WWTR1: variants seen among roughly 807,000 people sequenced by gnomAD.
WWTR1 encodes WW domain-containing transcription regulator protein 1.
Under a neutral mutation model 40.1 loss-of-function variants are expected in WWTR1, and 13 were observed. That is an observed-to-expected ratio of 0.32 (90% confidence interval 0.21 to 0.52). The LOEUF is 0.52. WWTR1 is among the 20% of genes least tolerant of loss of function. The probability of loss-of-function intolerance (pLI) is 0.97; values close to 1 mark genes in which losing one functional copy is unlikely to be tolerated. For synonymous variants in WWTR1, 230 were observed against 210.1 expected, an observed-to-expected ratio of 1.09 and a Z score of -0.82; for missense variants, 436 against 523.1, an observed-to-expected ratio of 0.83 and a Z score of 1.63.
At chr3:149,578,123 C>A (rs1258050444) in intron 2 of WWTR1, among the ~76,000 whole-genome samples, 1 of 151,732 alleles carries the variant, frequency 6.6e-6, no homozygotes, top group Non-Finnish European at 1.5e-5. Flanking sequence ...AATAACAGCA[C>A]AACTCACATA....
chr3:149,640,011 AAAGAAAGAAAG>A (rs1456296340), intron 2 of WWTR1, among the ~76,000 whole-genome samples: 12 of 132,110 alleles, frequency 9.1e-5, no homozygotes, highest in South Asian at 2.2e-4. Context: ...AAAAAAAAAA[AAAGAAAGAAAG>A]AAAGAAAGAA....
rs59916263 is a variant in WWTR1, at chr3:149,622,450, A to G, written c.431+34426T>C. Among the ~76,000 whole-genome samples the G allele has an allele frequency of 7.6e-3, 750 of 98,552 alleles. 14 individuals carry two copies. The highest frequency in any genetic ancestry group is 0.027 in the African/African-American group (702 of 26,126). The allele number at this position is 98,552 out of a possible 152,430, so 64.7% of individuals were successfully genotyped here. Reference sequence around the variant, plus strand: ...AAACCATATTTTCCCAGAAAGAAAGAAAGGAAGGAAGGAAGGAAGGAAGGA... The same window carrying G: ...AAACCATATTTTCCCAGAAAGAAAGGAAGGAAGGAAGGAAGGAAGGAAGGA... On this transcript the variant is annotated intron_variant, in intron 2 of 6. Transcript: ENST00000360632.
intron 2 of WWTR1, among the ~76,000 whole-genome samples, chr3:149,601,751 C>A (rs1739253054): frequency 6.6e-6 from 1 of 151,182 alleles, no homozygotes; most frequent in South Asian, 2.1e-4. Context: ...TAATTCTATT[C>A]TTTGGCTACC....
intron 1 of WWTR1, among the ~76,000 whole-genome samples, chr3:149,694,456 A>C (rs1435378263): frequency 6.6e-6 from 1 of 152,186 alleles, no homozygotes; most frequent in Admixed American, 6.5e-5. Flanking sequence ...TAATAAATAG[A>C]AGATACATAA....
chr3:149,566,752 C>T (rs1402857910), intron 3 of WWTR1, among the ~76,000 whole-genome samples: 1 of 150,646 alleles, frequency 6.6e-6, no homozygotes, highest in Non-Finnish European at 1.5e-5. Flanking sequence ...AGCAAGCCAA[C>T]TTAGCAAACT....
At chr3:149,650,518 T>C (rs1322182695) in intron 2 of WWTR1, among the ~76,000 whole-genome samples, 1 of 152,136 alleles carries the variant, frequency 6.6e-6, no homozygotes, top group Non-Finnish European at 1.5e-5. Context: ...TATGAAAAAG[T>C]TCCATATGCA....
intron 2 of WWTR1, among the ~76,000 whole-genome samples, chr3:149,634,936 T>C (rs567500136): frequency 2.6e-4 from 39 of 152,320 alleles, no homozygotes; most frequent in African/African-American, 8.9e-4. Flanking sequence ...AAACCTTGAA[T>C]TGACAATGCT....
At chr3:149,596,569 G>A (rs1739012348) in intron 2 of WWTR1, among the ~76,000 whole-genome samples, 1 of 152,126 alleles carries the variant, frequency 6.6e-6, no homozygotes, top group South Asian at 2.1e-4. Context: ...CCGTAGTGCA[G>A]TGGATCTTCT....
intron 4 of WWTR1, among the ~76,000 whole-genome samples, chr3:149,531,013 C>T (rs7642197): frequency 0.79 from 119,214 of 151,820 alleles, 46,963 homozygotes; most frequent in East Asian, 0.93. Context: ...CAGCTCACTG[C>T]AACCTTCACC....
chr3:149,651,551 G>T (rs1488111750), intron 2 of WWTR1, among the ~76,000 whole-genome samples: 1 of 152,116 alleles, frequency 6.6e-6, no homozygotes, highest in South Asian at 2.1e-4. Context: ...AATAATGCAT[G>T]AACACATTAA....
chr3:149,591,615 T>G (rs1211760599), intron 2 of WWTR1, among the ~76,000 whole-genome samples: 1 of 152,206 alleles, frequency 6.6e-6, no homozygotes, highest in African/African-American at 2.4e-5. Context: ...GTAGTAGAGA[T>G]AAATTCCAAT....
intron 5 of WWTR1, among the ~76,000 whole-genome samples, chr3:149,526,875 C>A (rs552798477): frequency 3.8e-4 from 58 of 152,320 alleles, no homozygotes; most frequent in African/African-American, 1.4e-3. Context: ...GATTTAAAAA[C>A]TACTTCTGCT....
At chr3:149,722,332 T>C (rs940072062) in intron 4 of WWTR1, among the ~76,000 whole-genome samples, 1 of 152,088 alleles carries the variant, frequency 6.6e-6, no homozygotes, top group African/African-American at 2.4e-5. Context: ...AGTTTTAAGT[T>C]TAGGTTGTTG....
At chr3:149,601,865 A>C (rs981254314) in intron 2 of WWTR1, among the ~76,000 whole-genome samples, 5 of 152,208 alleles carry the variant, frequency 3.3e-5, no homozygotes, top group Admixed American at 2.6e-4. Context: ...CCATGTAATC[A>C]TATGGTACAG....
At chr3:149,639,020 TG>T (rs1310746848) in intron 2 of WWTR1, among the ~76,000 whole-genome samples, 1 of 152,216 alleles carries the variant, frequency 6.6e-6, no homozygotes, top group Non-Finnish European at 1.5e-5. Flanking sequence ...ACTTTCTCTT[TG>T]GGCTGCCGTG....
At chr3:149,710,567 G>C (rs199522281) in intron 5 of WWTR1, among the ~76,000 whole-genome samples, 623 of 30,108 alleles carry the variant, frequency 0.021, no homozygotes, top group Middle Eastern at 0.036. Flanking sequence ...CATTATCCCC[G>C]CCTCCCCCCC....
At chr3:149,699,627 C>G (rs927066120) in intron 1 of WWTR1, among the ~76,000 whole-genome samples, 1 of 152,132 alleles carries the variant, frequency 6.6e-6, no homozygotes, top group African/African-American at 2.4e-5. Flanking sequence ...CCCACAGACC[C>G]CTAGGGCATG....
intron 5 of WWTR1, among the ~76,000 whole-genome samples, chr3:149,526,491 T>A (rs745439378): frequency 1.3e-5 from 2 of 151,996 alleles, no homozygotes; most frequent in Non-Finnish European, 2.9e-5. Context: ...TAAAAGTCTG[T>A]GTGATGGACA....
intron 3 of WWTR1, 61 bp downstream of exon 3, chr3:149,572,803 G>C: frequency 6.4e-7 from 1 of 1,573,086 alleles, no homozygotes; most frequent in Non-Finnish European, 8.6e-7. Flanking sequence ...GCAACAAAGG[G>C]AGACCCCAAC....
Sources: gnomAD v4.1 joint callset for allele counts (sites outside exome capture counted in the v4.1 genomes callset) on GRCh38, gnomAD v4.1.1 for gene constraint, MANE v1.5 for transcripts, NCBI Gene and HGNC (gene_info 2026-07-23, HGNC 2026-07-21) for gene names.